Variants in DMXL1 observed in about 807,000 individuals in gnomAD.
DMXL1 encodes the protein Dmx like 1.
DMXL1 carries 99 observed loss-of-function variants against 319.2 expected under a neutral mutation model. The observed-to-expected ratio is 0.31, with a 90% CI of 0.26 to 0.37. DMXL1 has a LOEUF of 0.37. Ranked by LOEUF, DMXL1 falls within the 10% of genes least tolerant of loss-of-function variation. The probability of loss-of-function intolerance (pLI) is 1.00; values close to 1 mark genes in which losing one functional copy is unlikely to be tolerated. For missense variants in DMXL1, 3,745 were observed against 3,595.6 expected, an observed-to-expected ratio of 1.04 and a Z score of -1.06; for synonymous variants, 1,385 against 1,235.2, an observed-to-expected ratio of 1.12 and a Z score of -2.54.
intron 15 of DMXL1, among the ~76,000 whole-genome samples, chr5:119,144,988 A>G (rs1768200298): frequency 6.6e-6 from 1 of 151,758 alleles, no homozygotes. Flanking sequence ...GTAGCTTAAA[A>G]CTTCAAGCTA....
In DMXL1 at chr5:119,221,006, T is replaced by C. The variant is rs1192407297; in HGVS notation, c.8202T>C (p.Tyr2734=). 16 of 1,613,824 alleles carry C rather than the reference T, an allele frequency of 9.9e-6. No individual in the cohort carries two copies. Among genetic ancestry groups the C allele is most frequent in the African/African-American group, 1.3e-5 (1 of 74,942 alleles). The change falls in exon 37 of 44, where the codon TAT becomes TAC. Residue 2734 remains tyrosine (Y), a synonymous_variant. Coordinates refer to ENST00000539542, the MANE Select transcript of DMXL1 (RefSeq NM_001290321.3). ...DLTAVQGTTP[Y]THSNPGTPIN... is the part of the protein sequence containing the mutation. ...CAGCTGTTCAAGGTACAACTCCATA[T>C]ACACATAGCAATCCTGGCACTCCAA...
At chr5:119,079,793 TTTTCCTTCAC>T (rs1170041675) in intron 1 of DMXL1, among the ~76,000 whole-genome samples, 1 of 152,254 alleles carries the variant, frequency 6.6e-6, no homozygotes, top group Non-Finnish European at 1.5e-5. Context: ...GTTGATCATT[TTTTCCTTCAC>T]TTTCCTTGGC....
chr5:119,235,293 T>C (rs554656921), intron 39 of DMXL1, among the ~76,000 whole-genome samples: 2 of 152,168 alleles, frequency 1.3e-5, no homozygotes, highest in Admixed American at 6.6e-5. Flanking sequence ...TTCAAGAATA[T>C]ATTACATTTA....
At chr5:119,185,656 C>G (rs145184647) in intron 28 of DMXL1, among the ~76,000 whole-genome samples, 1 of 152,120 alleles carries the variant, frequency 6.6e-6, no homozygotes, top group Non-Finnish European at 1.5e-5. Flanking sequence ...GTGCACACCA[C>G]GACACTTGGC....
chr5:119,159,119 G>A (rs189614385), intron 19 of DMXL1, among the ~76,000 whole-genome samples: 6 of 151,724 alleles, frequency 4.0e-5, no homozygotes, highest in Admixed American at 1.3e-4. Context: ...TTGTTTTGAT[G>A]GGTTGATGGG....
Position 119,247,219 on chromosome 5 carries a change from AC to A in DMXL1, c.*1del, listed in dbSNP as rs771868790. On this transcript the variant is annotated 3_prime_UTR_variant, in exon 44 of 44. Transcript: ENST00000539542. ...AAAATGATGTGAAATTTATGCTATA[AC>A]ATTTTTACAATAAGATGTACAATTT... 1.2e-6 allele frequency: 2 copies of A among 1,601,408 alleles called. No homozygotes were observed. Among genetic ancestry groups the A allele is most frequent in the South Asian group, 2.2e-5 (2 of 90,570 alleles).
intron 35 of DMXL1, among the ~76,000 whole-genome samples, chr5:119,218,387 T>C (rs1427556086): frequency 6.6e-6 from 1 of 152,152 alleles, no homozygotes; most frequent in Non-Finnish European, 1.5e-5. Flanking sequence ...TCTATGAATA[T>C]GCCTGTTTAA....
intron 23 of DMXL1, among the ~76,000 whole-genome samples, chr5:119,169,412 T>C (rs947337696): frequency 6.6e-6 from 1 of 152,172 alleles, no homozygotes; most frequent in Non-Finnish European, 1.5e-5. Flanking sequence ...ATAAGGAGTG[T>C]AAAGGAATTA....
At chr5:119,110,353 T>C (rs752499902) in intron 5 of DMXL1, 70 bp downstream of exon 5, 15 of 1,379,398 alleles carry the variant, frequency 1.1e-5, no homozygotes, top group Non-Finnish European at 1.3e-5. Flanking sequence ...AAATGTATTT[T>C]AGTTGTGTAA....
chr5:119,150,518 G>C, intron 18 of DMXL1, 97 bp downstream of exon 18: 1 of 1,335,174 alleles, frequency 7.5e-7, no homozygotes, highest in Non-Finnish European at 1.0e-6. Flanking sequence ...GCTAGGCACA[G>C]GGGCTTATGC....
Position 119,121,331 on chromosome 5 carries a change from G to A in DMXL1, c.1102+192G>A, listed in dbSNP as rs150887882. ...TCATTCTTGGGTGTTTCTTGCAGAG[G>A]GAGGTTTGGCACGGTCATAGGACAA... is the stretch of plus-strand genomic sequence containing the variant. On this transcript the variant is annotated intron_variant, in intron 9 of 43. Coordinates refer to ENST00000539542, the MANE Select transcript of DMXL1 (RefSeq NM_001290321.3). 7.5e-3 allele frequency among the ~76,000 whole-genome samples: 1,139 copies of A among 151,428 alleles called. 22 individuals carry two copies. The highest frequency in any genetic ancestry group is 0.026 in the African/African-American group (1,077 of 41,176).
Position 119,150,001 on chromosome 5 carries a change from G to T in DMXL1, c.4174G>T (p.Ala1392Ser), listed in dbSNP as rs746453377. Residue 1392 changes from alanine (A) to serine (S), a missense_variant, in exon 18 of 44, where the codon GCT becomes TCT. This residue lies in a region of DMXL1 where 2,096 missense variants were observed against 1,985.4 expected (regional missense o/e 1.06). Transcript: ENST00000539542. ...TTRDPQAFNKAENTDYTEIDS... is the reference protein window; with the variant it reads ...TTRDPQAFNKSENTDYTEIDS... The stretch of plus-strand genomic sequence containing the variant: ...CAGAGACCCCCAGGCATTCAACAAG[G>T]CTGAAAATACAGATTACACAGAAAT... 3.7e-6 allele frequency: 6 copies of T among 1,613,874 alleles called. No homozygotes were observed. The highest frequency in any genetic ancestry group is 5.1e-6 in the Non-Finnish European group (6 of 1,179,888).
At chr5:119,125,331 A>G (rs1029832821) in intron 9 of DMXL1, among the ~76,000 whole-genome samples, 3 of 152,200 alleles carry the variant, frequency 2.0e-5, no homozygotes, top group Non-Finnish European at 4.4e-5. Flanking sequence ...CCTAGGAATG[A>G]TCTATAAATG....
At chr5:119,195,993 G>A (rs1779546916) in intron 30 of DMXL1, among the ~76,000 whole-genome samples, 1 of 151,948 alleles carries the variant, frequency 6.6e-6, no homozygotes, top group Admixed American at 6.6e-5. Flanking sequence ...TATTCCCCCT[G>A]CTTTCTTGCA....
chr5:119,099,376 A>C (rs1464673849), intron 2 of DMXL1, among the ~76,000 whole-genome samples: 1 of 151,860 alleles, frequency 6.6e-6, no homozygotes, highest in African/African-American at 2.4e-5. Context: ...ATACCCGGCT[A>C]ATTTTTGTAT....
chr5:119,166,479 A>ATTATACATAC, intron 21 of DMXL1, 137 bp from the exon 22 acceptor site: 1 of 653,464 alleles, frequency 1.5e-6, no homozygotes, highest in Non-Finnish European at 2.5e-6. Context: ...TACTGGGAAA[A>ATTATACATAC]GAAGCAGATA....
At chr5:119,246,280 A>G (rs1789744518) in intron 43 of DMXL1, among the ~76,000 whole-genome samples, 1 of 152,128 alleles carries the variant, frequency 6.6e-6, no homozygotes, top group Non-Finnish European at 1.5e-5. Context: ...AGCTGTTCTG[A>G]TCCCTGGTGA....
Position 119,184,647 on chromosome 5 carries a change from A to G in DMXL1, c.7136-5061A>G, listed in dbSNP as rs558468063. 9.2e-5 allele frequency among the ~76,000 whole-genome samples: 14 copies of G among 152,184 alleles called. 1 individual carries two copies. The South Asian group carries it at 2.9e-3, about 32-fold the overall frequency. On this transcript the variant is annotated intron_variant, in intron 28 of 43. Coordinates refer to ENST00000539542, the MANE Select transcript of DMXL1 (RefSeq NM_001290321.3). ...ACTATACCCATTAAACAATTCCCCC[A>G]CTTCATACAATCCCTGGTAATCACT...
intron 21 of DMXL1, 28 bp from the exon 22 acceptor site, chr5:119,166,587 AT>A: frequency 6.3e-7 from 1 of 1,576,144 alleles, no homozygotes; most frequent in Non-Finnish European, 8.6e-7. Context: ...GTATTCCAAA[AT>A]TTTCACACCA....
Sources: allele counts gnomAD v4.1 joint callset (sites outside exome capture counted in the v4.1 genomes callset), GRCh38; gene constraint gnomAD v4.1.1; regional missense constraint gnomAD v4.1.1; transcripts MANE v1.5; gene names NCBI Gene and HGNC (gene_info 2026-07-23, HGNC 2026-07-21).